The following POU2F1 variants were observed in gnomAD, a reference collection of about 807,000 sequenced individuals.
POU2F1 encodes the protein POU domain, class 2, transcription factor 1.
In POU2F1, 16 loss-of-function variants were observed where a neutral mutation model predicts 84.9. The observed-to-expected ratio is 0.19, with a 90% CI of 0.13 to 0.29. The LOEUF is 0.29. POU2F1 is among the 10% of genes least tolerant of loss of function. The pLI, the probability that POU2F1 is intolerant of heterozygous loss-of-function variation, is 1.00. For synonymous variants in POU2F1, 368 were observed against 368.3 expected, an observed-to-expected ratio of 1.00 and a Z score of 0.01; for missense variants, 738 against 942.6, an observed-to-expected ratio of 0.78 and a Z score of 2.84.
intron 1 of POU2F1, among the ~76,000 whole-genome samples, chr1:167,287,881 T>C (rs1653643408): frequency 6.6e-6 from 1 of 151,978 alleles, no homozygotes. Flanking sequence ...AAAGAGAATA[T>C]CTTAATAGAG....
Position 167,241,563 on chromosome 1 carries a change from C to CTTGT in POU2F1, c.61+20606_61+20609dup, listed in dbSNP as rs1226190169. The CTTGT allele has an allele frequency of 8.5e-5, 13 of 152,154 alleles. No homozygotes were observed. In the South Asian group the frequency reaches 1.2e-3, roughly 15 times the overall value. 9.4% of individuals were successfully genotyped at this position (152,154 alleles called of 1,614,324 possible). A position where few individuals can be genotyped will look rare whatever the true frequency, so the allele number is the denominator to read the frequency against. On this transcript the variant is annotated intron_variant, in intron 1 of 15. Coordinates refer to ENST00000367866, the MANE Select transcript of POU2F1 (RefSeq NM_002697.4). ...AAGGATTAATGAGCATACACCTTCA[C>CTTGT]TTGTATTAGCTTAAGATGGAATGGT... is the stretch of plus-strand genomic sequence containing the variant.
chr1:167,261,716 G>A (rs1651580956), intron 1 of POU2F1, among the ~76,000 whole-genome samples: 2 of 152,210 alleles, frequency 1.3e-5, no homozygotes, highest in South Asian at 4.1e-4. Context: ...GTCTTGCTCT[G>A]TTGCCCAGGC....
chr1:167,232,413 G>C (rs116468652), intron 1 of POU2F1, among the ~76,000 whole-genome samples: 221 of 151,836 alleles, frequency 1.5e-3, no homozygotes, highest in Non-Finnish European at 2.5e-3. Context: ...ACATTTAAAA[G>C]GTAAAAATTT....
intron 1 of POU2F1, among the ~76,000 whole-genome samples, chr1:167,263,952 TG>T (rs2102444235): frequency 6.6e-6 from 1 of 152,354 alleles, no homozygotes; most frequent in East Asian, 1.9e-4. Flanking sequence ...TGTTATTTTT[TG>T]TAATTGCTAT....
chr1:167,413,023 C>T lies in POU2F1; in HGVS notation c.1902-3C>T. ...TAAAGTGACTCCTCTTTTGGACTTG[C>T]AGAGGTGCCTTACTCAGTCTGAATC... On this transcript the variant is annotated splice_region_variant and splice_polypyrimidine_tract_variant and intron_variant, in intron 14 of 15. Transcript: ENST00000367866. 6.2e-7 allele frequency: 1 copy of T among 1,612,582 alleles called. No individual in the cohort carries two copies. The highest frequency in any genetic ancestry group is 8.5e-7 in the Non-Finnish European group (1 of 1,178,648).
chr1:167,271,096 C>T (rs936084808), intron 1 of POU2F1, among the ~76,000 whole-genome samples: 2 of 152,104 alleles, frequency 1.3e-5, no homozygotes, highest in African/African-American at 4.8e-5. Flanking sequence ...ATTTAAATAA[C>T]TTAACATTTT....
chr1:167,399,475 CA>C, intron 12 of POU2F1, 110 bp downstream of exon 12: 2 of 896,572 alleles, frequency 2.2e-6, no homozygotes, highest in East Asian at 2.7e-5. Flanking sequence ...ATAAATACAT[CA>C]AATAAATGCA....
intron 2 of POU2F1, among the ~76,000 whole-genome samples, chr1:167,353,636 C>T (rs1189915204): frequency 6.6e-6 from 1 of 152,210 alleles, no homozygotes; most frequent in Non-Finnish European, 1.5e-5. Flanking sequence ...CACTCACCAC[C>T]TTGGCTTCAT....
intron 13 of POU2F1, among the ~76,000 whole-genome samples, chr1:167,403,777 T>C (rs1649367042): frequency 6.6e-6 from 1 of 152,232 alleles, no homozygotes; most frequent in Admixed American, 6.5e-5. Flanking sequence ...GTTTCTCAGA[T>C]GCCCTGTCAT....
At chr1:167,284,243 A>G (rs963675341) in intron 1 of POU2F1, among the ~76,000 whole-genome samples, 1 of 152,196 alleles carries the variant, frequency 6.6e-6, no homozygotes, top group African/African-American at 2.4e-5. Flanking sequence ...GGATGTTGCT[A>G]TTCTGAAAAG....
intron 1 of POU2F1, among the ~76,000 whole-genome samples, chr1:167,228,955 C>T (rs757234136): frequency 3.3e-5 from 5 of 152,052 alleles, no homozygotes; most frequent in Non-Finnish European, 7.4e-5. Context: ...ATTTTATAGT[C>T]GAGTAAAATA....
At position 167,418,081 on chromosome 1, in the gene POU2F1, A is replaced by T. The variant is rs1393826679; in HGVS notation, c.*2271A>T. On this transcript the variant is annotated 3_prime_UTR_variant, in exon 16 of 16. Coordinates refer to ENST00000367866, the MANE Select transcript of POU2F1 (RefSeq NM_002697.4). ...TATGTTTTGTTTTGTTTTTTAACTA[A>T]GCTTGAACCAAAGTCAATTTTTAGC... 6.6e-6 allele frequency: 1 copy of T among 152,164 alleles called. No homozygotes were observed. The highest frequency in any genetic ancestry group is 6.5e-5 in the Admixed American group (1 of 15,276). 9.4% of individuals were successfully genotyped at this position (152,164 alleles called of 1,614,324 possible).
At chr1:167,221,227 C>T (rs1285828457) in intron 1 of POU2F1, among the ~76,000 whole-genome samples, 1 of 151,386 alleles carries the variant, frequency 6.6e-6, no homozygotes, top group African/African-American at 2.4e-5. Context: ...CGCCGCCGCT[C>T]GCCGTCTGCC....
At chr1:167,337,935 T>C (rs1657581560) in intron 2 of POU2F1, 4 of 366,604 alleles carry the variant, frequency 1.1e-5, no homozygotes, top group South Asian at 8.3e-5. Flanking sequence ...CCTATCTATA[T>C]CCTATTAAAG....
At chr1:167,345,354 A>G (rs758848245) in intron 2 of POU2F1, among the ~76,000 whole-genome samples, 1 of 152,184 alleles carries the variant, frequency 6.6e-6, no homozygotes, top group Non-Finnish European at 1.5e-5. Context: ...GTAAGTTTTC[A>G]GGTAGAAGGG....
intron 1 of POU2F1, among the ~76,000 whole-genome samples, chr1:167,262,451 C>T (rs952725742): frequency 6.6e-6 from 1 of 152,118 alleles, no homozygotes; most frequent in Non-Finnish European, 1.5e-5. Flanking sequence ...CTTTGTTCAG[C>T]GAATTGCGGG....
chr1:167,262,231 G>T (rs1295500377), intron 1 of POU2F1, among the ~76,000 whole-genome samples: 1 of 151,992 alleles, frequency 6.6e-6, no homozygotes, highest in African/African-American at 2.4e-5. Context: ...CACAGGTGCA[G>T]TCATGGCATA....
intron 2 of POU2F1, among the ~76,000 whole-genome samples, chr1:167,363,411 C>T (rs1221765424): frequency 6.6e-6 from 1 of 152,048 alleles, no homozygotes; most frequent in East Asian, 1.9e-4. Flanking sequence ...GTATGATTGA[C>T]AAAATAATAT....
At chr1:167,334,376 G>C in intron 2 of POU2F1, among the ~76,000 whole-genome samples, 1 of 151,900 alleles carries the variant, frequency 6.6e-6, no homozygotes, top group East Asian at 1.9e-4. Context: ...TGGCCGGCTG[G>C]TCTTGAACTC....
Sources: allele counts gnomAD v4.1 joint callset (sites outside exome capture counted in the v4.1 genomes callset), GRCh38; gene constraint gnomAD v4.1.1; transcripts MANE v1.5; gene names NCBI Gene and HGNC (gene_info 2026-07-23, HGNC 2026-07-21).